The following WASHC4 variants were observed in gnomAD, a reference collection of about 807,000 sequenced individuals.
WASHC4 encodes the protein WASH complex subunit 4.
A neutral mutation model predicts 166.6 loss-of-function variants in WASHC4; 86 were observed. The ratio of observed to expected loss-of-function variants is 0.52; its 90% CI spans 0.43 to 0.62. WASHC4 has a LOEUF of 0.62. Ranked by LOEUF, WASHC4 falls within the 20% of genes least tolerant of loss-of-function variation. The pLI, the probability that WASHC4 is intolerant of heterozygous loss-of-function variation, is 0.00. For missense variants in WASHC4, 1,262 were observed against 1,382.4 expected (o/e 0.91, Z 1.38); for synonymous variants, 446 against 451.6 (o/e 0.99, Z 0.16).
At chr12:105,140,549 A>G (rs367839936) in intron 16 of WASHC4, 148 bp downstream of exon 16, 3 of 673,854 alleles carry the variant, frequency 4.5e-6, no homozygotes, top group African/African-American at 3.6e-5. Flanking sequence ...GTATTTTACA[A>G]TTTTTACTTC....
chr12:105,148,978 T>G, intron 24 of WASHC4: 6 of 984,518 alleles, frequency 6.1e-6, no homozygotes, highest in Non-Finnish European at 7.2e-6. Context: ...AAAGCACACA[T>G]GTACTTAACA....
intron 10 of WASHC4, among the ~76,000 whole-genome samples, chr12:105,123,910 C>G (rs1881025790): frequency 6.6e-6 from 1 of 152,184 alleles, no homozygotes; most frequent in Non-Finnish European, 1.5e-5. Flanking sequence ...TATTACTCTA[C>G]TCTGCCTGTT....
chr12:105,143,009 A>C (rs1416516474), intron 19 of WASHC4, 118 bp from the exon 20 acceptor site: 2 of 711,706 alleles, frequency 2.8e-6, no homozygotes, highest in African/African-American at 1.8e-5. Flanking sequence ...ACAGTTGTGG[A>C]AAATCATTTT....
At position 105,111,275 on chromosome 12, in the gene WASHC4, AT is replaced by A; in HGVS notation, c.201+17del. ...CCTATAGCATTAAAGGTTTGATTTG[AT>A]TTTTTAAAAATATATGTATATATTT... On this transcript the variant is annotated intron_variant, in intron 2 of 32. Transcript: ENST00000332180. 1 of 1,571,402 alleles carries A rather than the reference AT, an allele frequency of 6.4e-7. No individual in the cohort carries two copies. Among genetic ancestry groups the A allele is most frequent in the Non-Finnish European group, 8.7e-7 (1 of 1,145,956 alleles).
intron 22 of WASHC4, among the ~76,000 whole-genome samples, chr12:105,145,788 TATG>T (rs1356794776): frequency 3.9e-5 from 6 of 152,254 alleles, no homozygotes; most frequent in Admixed American, 3.3e-4. Context: ...GAACAGTTTA[TATG>T]ATACCATTGG....
chr12:105,121,468 G>C (rs1456673915), intron 9 of WASHC4, among the ~76,000 whole-genome samples: 1 of 152,102 alleles, frequency 6.6e-6, no homozygotes. Context: ...TTAGGACTCA[G>C]ATTTATTGTT....
At chr12:105,115,874 G>A (rs937702643) in intron 6 of WASHC4, 146 bp downstream of exon 6, 1 of 650,670 alleles carries the variant, frequency 1.5e-6, no homozygotes, top group Non-Finnish European at 2.8e-6. Context: ...TATAGTTTAG[G>A]AGATCATAAC....
At chr12:105,151,482 T>A (rs1207657039) in intron 25 of WASHC4, among the ~76,000 whole-genome samples, 1 of 152,070 alleles carries the variant, frequency 6.6e-6, no homozygotes, top group Non-Finnish European at 1.5e-5. Flanking sequence ...AGGATTGTAT[T>A]AACTCTTTTT....
At position 105,115,649 on chromosome 12, in the gene WASHC4, T is replaced by A. The variant is rs1565993519; in HGVS notation, c.368-12T>A. ...AAAAATGAAATATGCTTATTCATGT[T>A]GCCTTTTACAGCTACAGATGCCAGC... On this transcript the variant is annotated splice_polypyrimidine_tract_variant and intron_variant, in intron 5 of 32. Transcript: ENST00000332180. 2 of 1,594,466 alleles carry A rather than the reference T, an allele frequency of 1.3e-6. No individual in the cohort carries two copies. The highest frequency in any genetic ancestry group is 1.7e-6 in the Non-Finnish European group (2 of 1,162,424).
Position 105,167,946 on chromosome 12 carries a change from A to T in WASHC4, c.*1015A>T, listed in dbSNP as rs1166958113. 1 of 152,516 alleles carries T rather than the reference A, an allele frequency of 6.6e-6. No individual in the cohort carries two copies. The allele number at this position is 152,516 out of a possible 1,614,324, so 9.4% of individuals were successfully genotyped here. On this transcript the variant is annotated 3_prime_UTR_variant, in exon 33 of 33. Coordinates refer to ENST00000332180, the MANE Select transcript of WASHC4 (RefSeq NM_015275.3). ...AAGATTTTGAGTAAATTTTGTGCCC[A>T]GCAAGCTGTTAGTTTTATTTTTGTA... is the stretch of plus-strand genomic sequence containing the variant.
chr12:105,144,150 A>C, intron 20 of WASHC4, 137 bp from the exon 21 acceptor site: 1 of 666,522 alleles, frequency 1.5e-6, no homozygotes, highest in East Asian at 2.7e-5. Flanking sequence ...GGTATTGGTG[A>C]AAATAAAGAC....
At chr12:105,149,503 T>C in intron 24 of WASHC4, 112 bp from the exon 25 acceptor site, 1 of 985,498 alleles carries the variant, frequency 1.0e-6, no homozygotes, top group Non-Finnish European at 1.4e-6. Context: ...TTTTAAATAG[T>C]ACTTTATAGG....
At chr12:105,141,381 G>T (rs1353111687) in intron 18 of WASHC4, 135 bp downstream of exon 18, 1 of 758,132 alleles carries the variant, frequency 1.3e-6, no homozygotes, top group East Asian at 2.5e-5. Context: ...TCTTTAGCAT[G>T]ACCAAAATGA....
At chr12:105,150,079 T>C (rs1883616374) in intron 25 of WASHC4, among the ~76,000 whole-genome samples, 1 of 152,204 alleles carries the variant, frequency 6.6e-6, no homozygotes, top group Non-Finnish European at 1.5e-5. Flanking sequence ...CAATGTAGTG[T>C]GATGGCTTTC....
At chr12:105,162,152 A>G (rs1884536160) in intron 29 of WASHC4, among the ~76,000 whole-genome samples, 1 of 152,190 alleles carries the variant, frequency 6.6e-6, no homozygotes, top group South Asian at 2.1e-4. Flanking sequence ...TGCCTGGTAT[A>G]TTGTAAGCTT....
rs761478965 is a variant in WASHC4 at position 105,152,413 on chromosome 12, G to C, written c.2720G>C (p.Ser907Thr). 1.2e-6 allele frequency: 2 copies of C among 1,605,434 alleles called. No individual in the cohort carries two copies. Among genetic ancestry groups the C allele is most frequent in the East Asian group, 4.5e-5 (2 of 44,792 alleles). Residue 907 changes from serine (S) to threonine (T), a missense_variant, in exon 26 of 33, where the codon AGC becomes ACC. Coordinates refer to ENST00000332180, the MANE Select transcript of WASHC4 (RefSeq NM_015275.3). ...RKLGVTPEGQSYLDQFRQLIS... is the reference protein window; with the variant it reads ...RKLGVTPEGQTYLDQFRQLIS... ...CTTGGAGTAACACCTGAGGGACAGA[G>C]CTACCTTGATCAATTCAGGCAACTC...
At position 105,126,270 on chromosome 12, in the gene WASHC4, G is replaced by A. The variant is rs1881273788; in HGVS notation, c.946G>A (p.Val316Ile). 6.2e-7 allele frequency: 1 copy of A among 1,612,030 alleles called. No homozygotes were observed. Among genetic ancestry groups the A allele is most frequent in the African/African-American group, 1.3e-5 (1 of 74,866 alleles). ...TGAAATTGACCAGAGAGACAAGTAT[G>A]TTGGAATTTGTGGACTCTTTGTATT... The part of the protein sequence containing the change: ...PSEIDQRDKY[V>I]GICGLFVLHF... Residue 316 changes from valine (V) to isoleucine (I), a missense_variant, in exon 12 of 33, where the codon GTT becomes ATT. Physicochemically the swap from Val to Ile is conservative, Grantham distance 29 (BLOSUM62 3). Transcript: ENST00000332180.
At position 105,107,731 on chromosome 12, in the gene WASHC4, A is replaced by C; in HGVS notation, c.-70A>C. On this transcript the variant is annotated 5_prime_UTR_variant, in exon 1 of 33. Coordinates refer to ENST00000332180, the MANE Select transcript of WASHC4 (RefSeq NM_015275.3). ...GGGGCCGGAAGTCACGTGCTGTGAC[A>C]GTAGCTGGGGTGAGGCCGTCGTCGC... 8.7e-7 allele frequency: 1 copy of C among 1,154,244 alleles called. No individual in the cohort carries two copies. The highest frequency in any genetic ancestry group is 1.3e-6 in the Non-Finnish European group (1 of 798,234). The allele number at this position is 1,154,244 out of a possible 1,614,324, so 71.5% of individuals were successfully genotyped here.
chr12:105,118,355 G>A (rs1333575646), intron 6 of WASHC4, 91 bp from the exon 7 acceptor site: 2 of 934,934 alleles, frequency 2.1e-6, no homozygotes, highest in Non-Finnish European at 3.5e-6. Flanking sequence ...AAACTGTTTT[G>A]TTTTTGTTAG....
Sources: gnomAD v4.1 joint callset for allele counts (sites outside exome capture counted in the v4.1 genomes callset) on GRCh38, gnomAD v4.1.1 for gene constraint, MANE v1.5 for transcripts, NCBI Gene and HGNC (gene_info 2026-07-23, HGNC 2026-07-21) for gene names.